Variants in BCAT1 observed in about 807,000 individuals in gnomAD.
BCAT1 encodes branched chain amino acid transaminase 1, also known as branched-chain-amino-acid aminotransferase, cytosolic.
A neutral mutation model predicts 52.4 loss-of-function variants in BCAT1; 48 were observed. The ratio of observed to expected loss-of-function variants is 0.92; its 90% CI spans 0.73 to 1.16. BCAT1 has a LOEUF of 1.16. BCAT1 is among the 50% of genes most tolerant of loss of function. The pLI is 0.00. For synonymous variants in BCAT1, 167 were observed against 161.3 expected, an observed-to-expected ratio of 1.04 and a Z score of -0.27; for missense variants, 451 against 457.1, an observed-to-expected ratio of 0.99 and a Z score of 0.12.
intron 7 of BCAT1, among the ~76,000 whole-genome samples, chr12:24,836,819 A>AGAGAAGGAAGGAAGG: frequency 9.6e-6 from 1 of 104,416 alleles, no homozygotes; most frequent in Non-Finnish European, 2.3e-5. Flanking sequence ...GGAAGGAAGG[A>AGAGAAGGAAGGAAGG]AAGAAGGAAG....
intron 1 of BCAT1, among the ~76,000 whole-genome samples, chr12:24,919,079 A>T (rs1206563366): frequency 2.0e-5 from 3 of 152,246 alleles, no homozygotes; most frequent in Non-Finnish European, 4.4e-5. Context: ...AAATTGATCA[A>T]TGGGCTGATA....
chr12:24,915,742 C>T (rs1477256972), intron 1 of BCAT1, among the ~76,000 whole-genome samples: 3 of 152,126 alleles, frequency 2.0e-5, no homozygotes, highest in African/African-American at 4.8e-5. Context: ...CGGCTTGCAA[C>T]GCAAAACAAA....
At chr12:24,884,989 T>C (rs1336390569) in intron 3 of BCAT1, among the ~76,000 whole-genome samples, 2 of 152,144 alleles carry the variant, frequency 1.3e-5, no homozygotes, top group Non-Finnish European at 2.9e-5. Context: ...ACGTTATACT[T>C]AATGGTAAAA....
At position 24,878,539 on chromosome 12, in the gene BCAT1, A is replaced by C; in HGVS notation, c.501T>G (p.Ile167Met). 2 of 1,607,380 alleles carry C rather than the reference A, an allele frequency of 1.2e-6. No homozygotes were observed. Among genetic ancestry groups the C allele is most frequent in the Non-Finnish European group, 1.7e-6 (2 of 1,177,834 alleles). The change falls in exon 5 of 11, where the codon ATT (isoleucine) becomes ATG (methionine). Residue 167 changes from isoleucine (I) to methionine (M), a missense_variant. Transcript: ENST00000261192. The stretch of plus-strand genomic sequence containing the variant: ...AAGAGTCAGTTTGCACCTCAGTTCC[A>C]ATGAATGTAGGACGAATATACAGAC... ...SASLYIRPTFIGTEPSLGVKK... is the reference protein window; with the variant it reads ...SASLYIRPTFMGTEPSLGVKK...
chr12:24,908,472 C>G (rs920445787), intron 1 of BCAT1, among the ~76,000 whole-genome samples: 1 of 152,190 alleles, frequency 6.6e-6, no homozygotes, highest in Non-Finnish European at 1.5e-5. Flanking sequence ...CATGGTGGCT[C>G]ACACCTGTAA....
chr12:24,883,424 T>A (rs1264066033), intron 3 of BCAT1, among the ~76,000 whole-genome samples: 2 of 152,148 alleles, frequency 1.3e-5, no homozygotes, highest in Non-Finnish European at 1.5e-5. Context: ...AGTCATTACT[T>A]TTTGAGATTC....
intron 10 of BCAT1, among the ~76,000 whole-genome samples, chr12:24,824,993 A>C (rs1940324292): frequency 1.3e-5 from 2 of 152,084 alleles, no homozygotes; most frequent in Non-Finnish European, 2.9e-5. Context: ...GCATGAGAAC[A>C]TGTGATGTTT....
rs914873915 is a variant in BCAT1, at chr12:24,835,563, A to T, written c.903+948T>A. On this transcript the variant is annotated intron_variant, in intron 8 of 10. Transcript: ENST00000261192. ...TTTTTAAATTTTATTTTATTTATTT[A>T]TTTATTTATTTATTTATTTATTTAT... Among the ~76,000 whole-genome samples the T allele has an allele frequency of 7.3e-4, 63 of 85,760 alleles. No homozygotes were observed. In the East Asian group the frequency reaches 0.017, roughly 24 times the overall value. The allele number at this position is 85,760 out of a possible 152,430, so 56.3% of individuals were successfully genotyped here.
chr12:24,880,162 C>T lies in BCAT1; in HGVS notation c.390+1139G>A, dbSNP rs1752909888. ...CTGAATGCATAGGTTGGGCTAAATC[C>T]CTGAAGCTGGGCACGGTGGCTCATG... On this transcript the variant is annotated intron_variant, in intron 4 of 10. Transcript: ENST00000261192. Among the ~76,000 whole-genome samples, 2 of 152,112 alleles carry T rather than the reference C, an allele frequency of 1.3e-5. 1 individual carries two copies. The highest frequency in any genetic ancestry group is 4.1e-4 in the South Asian group (2 of 4,828).
At chr12:24,861,837 GA>G (rs1260365592) in intron 5 of BCAT1, among the ~76,000 whole-genome samples, 1 of 152,158 alleles carries the variant, frequency 6.6e-6, no homozygotes, top group Non-Finnish European at 1.5e-5. Context: ...AGAACCCACT[GA>G]AAAAACAGGA....
At chr12:24,875,675 C>T (rs941331810) in intron 5 of BCAT1, among the ~76,000 whole-genome samples, 1 of 152,070 alleles carries the variant, frequency 6.6e-6, no homozygotes, top group Admixed American at 6.5e-5. Flanking sequence ...AGCTTGGATT[C>T]CATATGTGTA....
At position 24,881,191 on chromosome 12, in the gene BCAT1, T is replaced by A. The variant is rs528218108; in HGVS notation, c.390+110A>T. The A allele has an allele frequency of 1.3e-4, 102 of 759,862 alleles. No homozygotes were observed. The African/African-American group carries it at 1.7e-3, about 13-fold the overall frequency. 47.1% of individuals were successfully genotyped at this position (759,862 alleles called of 1,614,324 possible). On this transcript the variant is annotated intron_variant, in intron 4 of 10. Coordinates refer to ENST00000261192, the MANE Select transcript of BCAT1 (RefSeq NM_005504.7). ...ATCAGAAATAATGTTAATGTTCATA[T>A]GGTTTGTACTGAATATTTATCTAAC... is the stretch of plus-strand genomic sequence containing the variant.
At chr12:24,948,303 A>G (rs1943964823) in intron 1 of BCAT1, among the ~76,000 whole-genome samples, 1 of 152,250 alleles carries the variant, frequency 6.6e-6, no homozygotes, top group East Asian at 1.9e-4. Flanking sequence ...CAGCTAGGCT[A>G]ATTATCCTTG....
At chr12:24,859,071 T>C (rs1488176438) in intron 5 of BCAT1, among the ~76,000 whole-genome samples, 2 of 152,226 alleles carry the variant, frequency 1.3e-5, no homozygotes, top group African/African-American at 4.8e-5. Flanking sequence ...TGTAAAGGAC[T>C]ACAAAAGGTT....
intron 5 of BCAT1, among the ~76,000 whole-genome samples, chr12:24,874,194 G>T (rs1275057548): frequency 6.6e-6 from 1 of 152,062 alleles, no homozygotes; most frequent in Non-Finnish European, 1.5e-5. Context: ...CGCACCTGTA[G>T]TCCCCGCTAA....
intron 1 of BCAT1, among the ~76,000 whole-genome samples, chr12:24,918,760 G>A (rs1209420454): frequency 2.0e-5 from 3 of 152,168 alleles, no homozygotes; most frequent in African/African-American, 7.2e-5. Context: ...TCGAGGACCT[G>A]GGAACTGACT....
chr12:24,911,576 G>A (rs1254699556), intron 1 of BCAT1, among the ~76,000 whole-genome samples: 2 of 152,186 alleles, frequency 1.3e-5, no homozygotes, highest in African/African-American at 4.8e-5. Flanking sequence ...CATTCCAGTG[G>A]AGTCTGTTGC....
At chr12:24,855,233 C>T (rs1056411525) in intron 5 of BCAT1, among the ~76,000 whole-genome samples, 6 of 151,176 alleles carry the variant, frequency 4.0e-5, no homozygotes, top group African/African-American at 1.5e-4. Flanking sequence ...ATCCTCCAGA[C>T]CACAGATAAC....
At chr12:24,921,936 C>T (rs1159116362) in intron 1 of BCAT1, among the ~76,000 whole-genome samples, 1 of 152,176 alleles carries the variant, frequency 6.6e-6, no homozygotes, top group Non-Finnish European at 1.5e-5. Flanking sequence ...GTAAACCTCC[C>T]AAAGGACTTC....
Sources: gnomAD v4.1 joint callset for allele counts (sites outside exome capture counted in the v4.1 genomes callset) on GRCh38, gnomAD v4.1.1 for gene constraint, MANE v1.5 for transcripts, NCBI Gene and HGNC (gene_info 2026-07-23, HGNC 2026-07-21) for gene names.